Variants in SIPA1L3 observed in about 807,000 individuals in gnomAD.
SIPA1L3 encodes signal induced proliferation associated 1 like 3, also known as signal-induced proliferation-associated 1-like protein 3.
In SIPA1L3, 59 loss-of-function variants were observed where a neutral mutation model predicts 150.1. The observed-to-expected ratio is 0.39, with a 90% confidence interval of 0.32 to 0.49. The LOEUF (loss-of-function observed/expected upper bound fraction) is 0.49. Among genes scored for constraint, SIPA1L3 ranks in the 20% least tolerant of loss-of-function variants. SIPA1L3 has a pLI of 0.86. For missense variants in SIPA1L3, 2,211 were observed against 2,489.5 expected, an observed-to-expected ratio of 0.89 and a Z score of 2.38; for synonymous variants, 1,070 against 1,077.6, an observed-to-expected ratio of 0.99 and a Z score of 0.14.
intron 9 of SIPA1L3, among the ~76,000 whole-genome samples, chr19:38,122,571 A>G (rs1971045971): frequency 6.6e-6 from 1 of 152,046 alleles, no homozygotes; most frequent in South Asian, 2.1e-4. Context: ...TGGTAGTGAG[A>G]GCAATCTGAT....
intron 2 of SIPA1L3, among the ~76,000 whole-genome samples, chr19:38,062,461 G>C (rs1228458473): frequency 6.6e-6 from 1 of 152,200 alleles, no homozygotes; most frequent in East Asian, 1.9e-4. Context: ...TCCTCCTCAG[G>C]ATGCTGTGTG....
intron 1 of SIPA1L3, among the ~76,000 whole-genome samples, chr19:37,912,290 G>A (rs768079513): frequency 3.3e-5 from 5 of 152,000 alleles, no homozygotes; most frequent in Non-Finnish European, 4.4e-5. Flanking sequence ...ATGGCCCAGT[G>A]GCTGAAGCAC....
intron 1 of SIPA1L3, among the ~76,000 whole-genome samples, chr19:37,939,383 G>A (rs1004508897): frequency 7.6e-6 from 1 of 131,848 alleles, no homozygotes; most frequent in Non-Finnish European, 1.6e-5. Context: ...CTGGGCGACA[G>A]AGTGAGACTC....
intron 2 of SIPA1L3, among the ~76,000 whole-genome samples, chr19:38,074,734 CATT>C (rs1187925923): frequency 6.6e-6 from 1 of 152,214 alleles, no homozygotes; most frequent in Non-Finnish European, 1.5e-5. Context: ...TGTTTACCCT[CATT>C]GTGTGTGTGT....
intron 1 of SIPA1L3, among the ~76,000 whole-genome samples, chr19:37,913,956 C>T (rs567290388): frequency 5.6e-5 from 8 of 141,784 alleles, no homozygotes; most frequent in East Asian, 2.1e-4. Context: ...CAGGAGGAGG[C>T]GGAGTTTACA....
rs1967812059 is a variant in SIPA1L3 at position 38,001,727 on chromosome 19, C to T, written c.-378-27362C>T. On this transcript the variant is annotated intron_variant, in intron 1 of 21. Transcript: ENST00000222345. ...ACAGGCATGAGCCACCGTGCCTGGC[C>T]CTGCAGTTTTTTAGTACTTTTTTAT... Among the ~76,000 whole-genome samples the T allele has an allele frequency of 2.6e-5, 4 of 152,252 alleles. No individual in the cohort carries two copies. In the South Asian group the frequency reaches 6.2e-4, roughly 24 times the overall value.
intron 1 of SIPA1L3, among the ~76,000 whole-genome samples, chr19:38,004,248 C>G (rs1006809917): frequency 4.1e-4 from 62 of 152,230 alleles, no homozygotes; most frequent in African/African-American, 1.4e-3. Flanking sequence ...AATTCCTGTA[C>G]TGCAGCAATT....
intron 2 of SIPA1L3, among the ~76,000 whole-genome samples, chr19:38,050,076 T>C (rs1384075668): frequency 6.6e-6 from 1 of 152,304 alleles, no homozygotes; most frequent in Middle Eastern, 3.4e-3. Context: ...GCCTCAGAGC[T>C]GCCATAAATA....
intron 1 of SIPA1L3, among the ~76,000 whole-genome samples, chr19:37,934,971 G>GT (rs922929658): frequency 6.6e-5 from 10 of 151,166 alleles, no homozygotes; most frequent in South Asian, 6.3e-4. Context: ...TTCTCCTAGA[G>GT]TTTTTTTTTC....
Position 38,204,215 on chromosome 19 carries a change from C to A in SIPA1L3, c.5202+7C>A. On this transcript the variant is annotated splice_region_variant and intron_variant, in intron 21 of 21. Transcript: ENST00000222345. ...GCACACTGACCTGCAGAAGGTAAGG[C>A]CGGGGGCCACGCCCTCTCCATCCCA... is the stretch of plus-strand genomic sequence containing the variant. 6.4e-7 allele frequency: 1 copy of A among 1,551,800 alleles called. No individual in the cohort carries two copies.
chr19:38,195,602 A>G (rs1972903955), intron 18 of SIPA1L3, among the ~76,000 whole-genome samples: 1 of 152,104 alleles, frequency 6.6e-6, no homozygotes. Context: ...ATGTTCAGTC[A>G]CTGCAAAGGA....
intron 16 of SIPA1L3, among the ~76,000 whole-genome samples, chr19:38,183,238 A>G (rs1164779179): frequency 6.6e-6 from 1 of 151,570 alleles, no homozygotes; most frequent in Non-Finnish European, 1.5e-5. Context: ...TGGAGCAGAG[A>G]GGGGGCAGGA....
At position 38,083,713 on chromosome 19, in the gene SIPA1L3, C is replaced by T. The variant is rs145261823; in HGVS notation, c.1534+614C>T. Among the ~76,000 whole-genome samples the T allele has an allele frequency of 8.0e-3, 1,214 of 152,116 alleles. 11 individuals are homozygous for T. The highest frequency in any genetic ancestry group is 0.01 in the Non-Finnish European group (691 of 67,974). The stretch of plus-strand genomic sequence containing the variant: ...CGAATACAAAAGTCTTGGAACTGCC[C>T]GGCGCAGTGGCTCACGCCTGTAATC... On this transcript the variant is annotated intron_variant, in intron 3 of 21. Coordinates refer to ENST00000222345, the MANE Select transcript of SIPA1L3 (RefSeq NM_015073.3).
At chr19:37,972,168 A>AGTGTGT (rs34744094) in intron 1 of SIPA1L3, among the ~76,000 whole-genome samples, 19,575 of 144,890 alleles carry the variant, frequency 0.14, 1,319 homozygotes, top group South Asian at 0.2. Flanking sequence ...AGAGATACCT[A>AGTGTGT]GTGTGTGTGT....
intron 1 of SIPA1L3, among the ~76,000 whole-genome samples, chr19:37,945,298 G>A (rs577732560): frequency 1.2e-4 from 18 of 151,734 alleles, no homozygotes; most frequent in Non-Finnish European, 2.4e-4. Flanking sequence ...GCAGTGGTGC[G>A]ATCTCGGCTC....
chr19:37,967,182 C>T (rs1165510643), intron 1 of SIPA1L3, among the ~76,000 whole-genome samples: 1 of 151,888 alleles, frequency 6.6e-6, no homozygotes, highest in Non-Finnish European at 1.5e-5. Flanking sequence ...GCCTCTGCTG[C>T]AGCACCCTGA....
intron 2 of SIPA1L3, among the ~76,000 whole-genome samples, chr19:38,043,405 A>C (rs1283824469): frequency 3.9e-5 from 6 of 152,186 alleles, no homozygotes; most frequent in African/African-American, 1.4e-4. Context: ...CGAGAGAAAG[A>C]AAGAAAAAAG....
At chr19:37,964,101 T>C (rs1002066661) in intron 1 of SIPA1L3, 1 of 152,172 alleles carries the variant, frequency 6.6e-6, no homozygotes, top group Non-Finnish European at 1.5e-5. Flanking sequence ...CCTTCACCCA[T>C]AAATATTTCA....
intron 13 of SIPA1L3, among the ~76,000 whole-genome samples, chr19:38,158,279 A>G (rs1371601488): frequency 1.3e-5 from 2 of 152,206 alleles, no homozygotes; most frequent in Non-Finnish European, 2.9e-5. Flanking sequence ...AAGGAGATTT[A>G]CAGGGTTTGG....
Sources: gnomAD v4.1 joint callset for allele counts (sites outside exome capture counted in the v4.1 genomes callset) on GRCh38, gnomAD v4.1.1 for gene constraint, MANE v1.5 for transcripts, NCBI Gene and HGNC (gene_info 2026-07-23, HGNC 2026-07-21) for gene names.